COTL1: variants seen among roughly 807,000 people sequenced by gnomAD.
COTL1 encodes coactosin-like protein.
COTL1 carries 15 observed loss-of-function variants against 16.5 expected under a neutral mutation model. That is an observed-to-expected ratio of 0.91 (90% confidence interval 0.61 to 1.40). COTL1 has a LOEUF of 1.40. COTL1 is among the 40% of genes most tolerant of loss of function. The probability of loss-of-function intolerance (pLI) is 0.00; values close to 1 mark genes in which losing one functional copy is unlikely to be tolerated. For missense variants in COTL1, 220 were observed against 201.5 expected (o/e 1.09, Z -0.56); for synonymous variants, 112 against 85.3 (o/e 1.31, Z -1.73).
intron 2 of COTL1, 30 bp downstream of exon 2, chr16:84,617,471 C>G (rs1241070779): frequency 1.3e-6 from 2 of 1,544,486 alleles, no homozygotes; most frequent in African/African-American, 2.7e-5. Flanking sequence ...CCAACGACCG[C>G]GCATCCGCCC....
At chr16:84,574,571 T>G (rs1287008254) in intron 3 of COTL1, among the ~76,000 whole-genome samples, 2 of 152,172 alleles carry the variant, frequency 1.3e-5, no homozygotes, top group African/African-American at 2.4e-5. Context: ...AACCAGCAAG[T>G]GGAAGACCAG....
chr16:84,588,429 T>A (rs1177751073), intron 3 of COTL1, among the ~76,000 whole-genome samples: 1 of 152,174 alleles, frequency 6.6e-6, no homozygotes, highest in African/African-American at 2.4e-5. Flanking sequence ...ACTCCCGACT[T>A]TATTTATATT....
intron 3 of COTL1, among the ~76,000 whole-genome samples, chr16:84,573,285 C>T (rs1035946603): frequency 6.6e-6 from 1 of 152,360 alleles, no homozygotes. Flanking sequence ...TGGCTGGGTG[C>T]GCTTTCAGGC....
intron 3 of COTL1, among the ~76,000 whole-genome samples, chr16:84,578,585 G>C (rs1020681174): frequency 6.6e-6 from 1 of 151,906 alleles, no homozygotes; most frequent in Non-Finnish European, 1.5e-5. Context: ...ACACACACAG[G>C]CATGCACGCA....
intron 2 of COTL1, among the ~76,000 whole-genome samples, chr16:84,593,271 G>A (rs559462009): frequency 2.0e-5 from 3 of 152,206 alleles, no homozygotes; most frequent in Non-Finnish European, 2.9e-5. Context: ...AGGGATAGAA[G>A]GAAGGATGGT....
chr16:84,584,188 T>C (rs28448368), intron 3 of COTL1, among the ~76,000 whole-genome samples: 2,501 of 152,368 alleles, frequency 0.016, 78 homozygotes, highest in African/African-American at 0.058. Context: ...CAGCCGTGCG[T>C]GCTGTGCGTT....
At chr16:84,579,218 C>T (rs918074932) in intron 3 of COTL1, among the ~76,000 whole-genome samples, 2 of 152,226 alleles carry the variant, frequency 1.3e-5, no homozygotes, top group African/African-American at 4.8e-5. Context: ...AGAAACAGGC[C>T]GGGCATGGTG....
intron 3 of COTL1, among the ~76,000 whole-genome samples, chr16:84,588,427 CTTTA>C (rs1392348509): frequency 1.3e-5 from 2 of 152,148 alleles, no homozygotes; most frequent in Non-Finnish European, 2.9e-5. Context: ...AAACTCCCGA[CTTTA>C]TTTATATTTC....
intron 2 of COTL1, among the ~76,000 whole-genome samples, chr16:84,611,793 G>C (rs917115953): frequency 6.6e-6 from 1 of 152,216 alleles, no homozygotes; most frequent in African/African-American, 2.4e-5. Context: ...CAGAGAATAT[G>C]TATTATCTGA....
chr16:84,585,097 A>G (rs1044497158), intron 3 of COTL1, among the ~76,000 whole-genome samples: 1 of 152,214 alleles, frequency 6.6e-6, no homozygotes, highest in Non-Finnish European at 1.5e-5. Context: ...CAGCAAGTCA[A>G]CTCATCCCAT....
intron 2 of COTL1, among the ~76,000 whole-genome samples, chr16:84,612,991 T>C (rs1838700498): frequency 8.6e-6 from 1 of 115,934 alleles, no homozygotes; most frequent in African/African-American, 3.3e-5. Flanking sequence ...TGACTCTTTC[T>C]TTCTTTCTTT....
In COTL1 at chr16:84,583,173, A is replaced by G. The variant is rs561484860; in HGVS notation, c.318+6932T>C. Among the ~76,000 whole-genome samples, 14 of 152,276 alleles carry G rather than the reference A, an allele frequency of 9.2e-5. 1 individual carries two copies. In the South Asian group the frequency reaches 2.9e-3, roughly 32 times the overall value. On this transcript the variant is annotated intron_variant, in intron 3 of 3. Coordinates refer to ENST00000262428, the MANE Select transcript of COTL1 (RefSeq NM_021149.5). The stretch of plus-strand genomic sequence containing the variant: ...CCTGGATTCCAGGCATAGCTTTGCC[A>G]TGTCCAAGCACCCGGACCTTGAGCA...
Position 84,590,316 on chromosome 16 carries a change from C to T in COTL1, c.161-54G>A. Reference sequence around the variant, plus strand: ...GTGCTGCGTTAAAACACCCCCATGTCATGTCCCTGGGGAGAGGCTGTGAGC... The same window carrying T: ...GTGCTGCGTTAAAACACCCCCATGTTATGTCCCTGGGGAGAGGCTGTGAGC... On this transcript the variant is annotated intron_variant, in intron 2 of 3. Coordinates refer to ENST00000262428, the MANE Select transcript of COTL1 (RefSeq NM_021149.5). This position sits in a 1 kb window ranked among gnomAD's most constrained non-coding sequence, Gnocchi z 5.5. 1 of 1,588,014 alleles carries T rather than the reference C, an allele frequency of 6.3e-7. No homozygotes were observed. The highest frequency in any genetic ancestry group is 8.6e-7 in the Non-Finnish European group (1 of 1,162,598).
chr16:84,609,098 C>T (rs919384487), intron 2 of COTL1, among the ~76,000 whole-genome samples: 2 of 152,160 alleles, frequency 1.3e-5, no homozygotes, highest in Non-Finnish European at 2.9e-5. Context: ...TTCTCTCCTT[C>T]CCTTCTCGCC....
At chr16:84,600,470 G>A (rs1013445583) in intron 2 of COTL1, among the ~76,000 whole-genome samples, 1 of 152,082 alleles carries the variant, frequency 6.6e-6, no homozygotes, top group African/African-American at 2.4e-5. Context: ...CTGCCACCAT[G>A]CTCGGCTAAT....
At chr16:84,577,681 C>A (rs939224690) in intron 3 of COTL1, among the ~76,000 whole-genome samples, 1 of 152,268 alleles carries the variant, frequency 6.6e-6, no homozygotes, top group African/African-American at 2.4e-5. Context: ...AGGAGTGACG[C>A]GACCCTGCTG....
At chr16:84,585,370 A>AT (rs1555522874) in intron 3 of COTL1, among the ~76,000 whole-genome samples, 1 of 150,856 alleles carries the variant, frequency 6.6e-6, no homozygotes. Context: ...AAAAAAAAAA[A>AT]TCGCCCCCCT....
chr16:84,615,643 C>A (rs541924317), intron 2 of COTL1, among the ~76,000 whole-genome samples: 4 of 152,136 alleles, frequency 2.6e-5, no homozygotes, highest in African/African-American at 9.7e-5. Context: ...TGGCTGTTCA[C>A]GGACCGGAGG....
intron 3 of COTL1, among the ~76,000 whole-genome samples, chr16:84,588,224 T>A (rs893503981): frequency 1.3e-5 from 2 of 151,056 alleles, no homozygotes; most frequent in African/African-American, 2.4e-5. Context: ...CTCTTAAAAA[T>A]AATAATAATA....
Sources: allele counts gnomAD v4.1 joint callset (sites outside exome capture counted in the v4.1 genomes callset), GRCh38; gene constraint gnomAD v4.1.1; non-coding constraint Gnocchi (gnomAD v3.1); transcripts MANE v1.5; gene names NCBI Gene and HGNC (gene_info 2026-07-23, HGNC 2026-07-21).